The following EBLN2 variants were observed in gnomAD, a reference collection of about 807,000 sequenced individuals.
EBLN2 encodes endogenous Bornavirus like nucleoprotein 2, also known as endogenous Bornavirus-like nucleoprotein 2.
For synonymous variants in EBLN2, 131 were observed against 113.6 expected (o/e 1.15, Z -0.97); for missense variants, 397 against 324.2 (o/e 1.22, Z -1.72).
Position 73,062,450 on chromosome 3 carries a change from C to G in EBLN2, c.369C>G (p.Thr123=). 6.2e-7 allele frequency: 1 copy of G among 1,612,040 alleles called. No homozygotes were observed. The highest frequency in any genetic ancestry group is 8.5e-7 in the Non-Finnish European group (1 of 1,179,074). ...ATAAATCTCATTTCCACCCTGTGAC[C>G]CCAAGTTTAGTATTCTTGTGTTTCA... ...PAHKSHFHPV[T]PSLVFLCFIF... The change falls in exon 1 of 1, where the codon ACC becomes ACG. Residue 123 remains threonine (T), a synonymous_variant. Coordinates refer to ENST00000533473, the MANE Select transcript of EBLN2 (RefSeq NM_018029.4).
In EBLN2 at chr3:73,062,234, A is replaced by G. The variant is rs1423168213; in HGVS notation, c.153A>G (p.Leu51=). 1.3e-6 allele frequency: 2 copies of G among 1,598,344 alleles called. No homozygotes were observed. Among genetic ancestry groups the G allele is most frequent in the Non-Finnish European group, 1.7e-6 (2 of 1,175,494 alleles). The part of the protein sequence containing the change: ...SRNQFSTMSH[L]RKDSQPSSPG... ...ACCAATTTTCCACAATGTCTCATCT[A>G]AGAAAGGACTCACAGCCCAGCAGCC... The change falls in exon 1 of 1, where the codon CTA becomes CTG. Residue 51 remains leucine, a synonymous_variant. Transcript: ENST00000533473.
chr3:73,062,511 G>GGT, the EBLN2 span: 3 of 1,613,670 alleles, frequency 1.9e-6, no homozygotes, highest in Non-Finnish European at 2.5e-6. Flanking sequence ...ACTGAGTGTT[G>GGT]GTGTGAGCAA....
In EBLN2 at chr3:73,062,748, T is replaced by A; in HGVS notation, c.667T>A (p.Ser223Thr). The change falls in exon 1 of 1, where the codon TCA becomes ACA. Residue 223 changes from serine to threonine, a missense_variant. Ser to Thr is a moderately conservative substitution (Grantham distance 58). Transcript: ENST00000533473. ...AATGATGGCATCTATTGGAAGACTT[T>A]CACATGGTGAGAGTGCTGATCTGCT... ...KAMMASIGRL[S>T]HGESADLLIS... 6.2e-7 allele frequency: 1 copy of A among 1,613,968 alleles called. No homozygotes were observed. The highest frequency in any genetic ancestry group is 8.5e-7 in the Non-Finnish European group (1 of 1,179,878).
In EBLN2 at chr3:73,062,119, C is replaced by T. The variant is rs1468691148; in HGVS notation, c.38C>T (p.Ser13Phe). ...YFLKLYAYVN[S>F]HSLFVWVCDR... is the part of the protein sequence containing the mutation. ...CTTAAATTGTATGCTTATGTTAATT[C>T]TCACAGTCTTTTTGTTTGGGTCTGT... The change falls in exon 1 of 1, where the codon TCT becomes TTT. Residue 13 changes from serine to phenylalanine, a missense_variant. Transcript: ENST00000533473. 14 of 1,548,162 alleles carry T rather than the reference C, an allele frequency of 9.0e-6. No homozygotes were observed. The highest frequency in any genetic ancestry group is 1.1e-5 in the Non-Finnish European group (13 of 1,146,784).
rs1702871953 is a variant in EBLN2, at chr3:73,062,080, TAATG to T, written c.-1_3del. 4.6e-6 allele frequency: 7 copies of T among 1,533,592 alleles called. No homozygotes were observed. In the Admixed American group the frequency reaches 1.3e-4, roughly 28 times the overall value. The allele number at this position is 1,533,592 out of a possible 1,614,324, so 95.0% of individuals were successfully genotyped here. A position where few individuals can be genotyped will look rare whatever the true frequency, so the allele number is the denominator to read the frequency against. Reference sequence around the variant, plus strand: ...TGCAGAGTCAAGTCATAGCGACTAATAATGGGTTATTTTCTTAAATTGTATGCTT... The same window carrying T: ...TGCAGAGTCAAGTCATAGCGACTAATGGTTATTTTCTTAAATTGTATGCTT... On this transcript the variant is annotated start_lost and 5_prime_UTR_variant, in exon 1 of 1. Coordinates refer to ENST00000533473, the MANE Select transcript of EBLN2 (RefSeq NM_018029.4).
In EBLN2 at chr3:73,062,628, C is replaced by G; in HGVS notation, c.547C>G (p.Leu183Val). ...NFIALEKSSVLRHCCDLLIGI... is the reference protein window; with the variant it reads ...NFIALEKSSVVRHCCDLLIGI... Reference sequence around the variant, plus strand: ...TATTGCCCTTGAGAAGTCATCAGTTCTCCGCCACTGCTGTGACCTTTTGAT... The same window carrying G: ...TATTGCCCTTGAGAAGTCATCAGTTGTCCGCCACTGCTGTGACCTTTTGAT... Residue 183 changes from leucine to valine, a missense_variant, in exon 1 of 1, where the codon CTC becomes GTC. Coordinates refer to ENST00000533473, the MANE Select transcript of EBLN2 (RefSeq NM_018029.4). 6.2e-7 allele frequency: 1 copy of G among 1,613,994 alleles called. No individual in the cohort carries two copies. The highest frequency in any genetic ancestry group is 8.5e-7 in the Non-Finnish European group (1 of 1,179,890).
rs1702863358 is a variant in EBLN2, at chr3:73,061,770, A to T, written c.-312A>T. The stretch of plus-strand genomic sequence containing the variant: ...CCAGGCTGGAGTGCGGTGATGAGTG[A>T]TCATAGCTCACTGCAGCCTTAAACT... On this transcript the variant is annotated 5_prime_UTR_variant, in exon 1 of 1. Transcript: ENST00000533473. 1 of 291,020 alleles carries T rather than the reference A, an allele frequency of 3.4e-6. No homozygotes were observed. Among genetic ancestry groups the T allele is most frequent in the Non-Finnish European group, 6.4e-6 (1 of 155,924 alleles). 18.0% of individuals were successfully genotyped at this position (291,020 alleles called of 1,614,324 possible).
Position 73,062,802 on chromosome 3 carries a change from G to GTAT in EBLN2, c.721_722insTAT (p.Gly241delinsValCys). On this transcript the variant is annotated protein_altering_variant, in exon 1 of 1. Coordinates refer to ENST00000533473, the MANE Select transcript of EBLN2 (RefSeq NM_018029.4). The stretch of plus-strand genomic sequence containing the variant: ...CAGCTGCAATGCAGAATCAGCCATA[G>GTAT]GTTGGATCAGCTCAAGACCATGGGT... The GTAT allele has an allele frequency of 6.2e-7, 1 of 1,613,950 alleles. No individual in the cohort carries two copies. Among genetic ancestry groups the GTAT allele is most frequent in the Non-Finnish European group, 8.5e-7 (1 of 1,179,868 alleles).
In EBLN2 at chr3:73,062,152, C is replaced by A; in HGVS notation, c.71C>A (p.Ser24Tyr). Residue 24 changes from serine (S) to tyrosine (Y), a missense_variant, in exon 1 of 1, where the codon TCT becomes TAT. Coordinates refer to ENST00000533473, the MANE Select transcript of EBLN2 (RefSeq NM_018029.4). The part of the protein sequence containing the change: ...HSLFVWVCDR[S>Y]YKRSFRPMIL... ...CTTTTTGTTTGGGTCTGTGACAGAT[C>A]TTACAAAAGATCTTTTAGACCTATG... is the stretch of plus-strand genomic sequence containing the variant. The A allele has an allele frequency of 6.5e-7, 1 of 1,547,060 alleles. No homozygotes were observed. Among genetic ancestry groups the A allele is most frequent in the Non-Finnish European group, 8.7e-7 (1 of 1,148,424 alleles).
In EBLN2 at chr3:73,062,610, C is replaced by T; in HGVS notation, c.529C>T (p.Leu177Phe). Residue 177 changes from leucine to phenylalanine, a missense_variant, in exon 1 of 1, where the codon CTT becomes TTT. By Grantham distance (22) the Leu-to-Phe change is conservative (BLOSUM62 0). Coordinates refer to ENST00000533473, the MANE Select transcript of EBLN2 (RefSeq NM_018029.4). Reference protein sequence around the residue: ...RFKDMPNFIALEKSSVLRHCC... With the variant: ...RFKDMPNFIAFEKSSVLRHCC... ...CAAAGATATGCCTAACTTTATTGCC[C>T]TTGAGAAGTCATCAGTTCTCCGCCA... The T allele has an allele frequency of 6.2e-7, 1 of 1,613,968 alleles. No homozygotes were observed. The highest frequency in any genetic ancestry group is 8.5e-7 in the Non-Finnish European group (1 of 1,179,882).
In EBLN2 at chr3:73,062,367, A is replaced by T; in HGVS notation, c.286A>T (p.Ser96Cys). Residue 96 changes from serine to cysteine, a missense_variant, in exon 1 of 1, where the codon AGC becomes TGC. Ser to Cys is a moderately radical substitution (Grantham distance 112, BLOSUM62 -1). Coordinates refer to ENST00000533473, the MANE Select transcript of EBLN2 (RefSeq NM_018029.4). ...ACTGGATGCATTGGAACCCCAACCC[A>T]GCATTGGGGATATTAAGGACATTAA... ...YPLDALEPQP[S>C]IGDIKDIKKA... 2 of 1,606,286 alleles carry T rather than the reference A, an allele frequency of 1.2e-6. No individual in the cohort carries two copies. Among genetic ancestry groups the T allele is most frequent in the South Asian group, 2.2e-5 (2 of 89,728 alleles).
At position 73,063,051 on chromosome 3, in the gene EBLN2, A is replaced by G. The variant is rs1702904224; in HGVS notation, c.*151A>G. On this transcript the variant is annotated 3_prime_UTR_variant, in exon 1 of 1. Transcript: ENST00000533473. ...CAATGGTTAAAAAGGCATTGGGGAA[A>G]TATTTTGAGTTTGGGGGTGTACTTT... 2 of 771,756 alleles carry G rather than the reference A, an allele frequency of 2.6e-6. No homozygotes were observed. The highest frequency in any genetic ancestry group is 4.2e-6 in the Non-Finnish European group (2 of 475,928). 47.8% of individuals were successfully genotyped at this position (771,756 alleles called of 1,614,324 possible).
chr3:73,062,268 G>A lies in EBLN2; in HGVS notation c.187G>A (p.Asp63Asn). The A allele has an allele frequency of 6.2e-7, 1 of 1,603,064 alleles. No individual in the cohort carries two copies. The highest frequency in any genetic ancestry group is 1.1e-5 in the South Asian group (1 of 88,834). ...CTCACAGCCCAGCAGCCCAGGAGAT[G>A]ACGCAATGGACAGGAGTGGGCTCCC... ...KDSQPSSPGDDAMDRSGLPDL... is the reference protein window; with the variant it reads ...KDSQPSSPGDNAMDRSGLPDL... The change falls in exon 1 of 1, where the codon GAC becomes AAC. Residue 63 changes from aspartate (D) to asparagine (N), a missense_variant. Transcript: ENST00000533473.
Position 73,062,161 on chromosome 3 carries a change from G to C in EBLN2, c.80G>C (p.Arg27Thr). 1 of 1,549,912 alleles carries C rather than the reference G, an allele frequency of 6.5e-7. No individual in the cohort carries two copies. Among genetic ancestry groups the C allele is most frequent in the East Asian group, 2.4e-5 (1 of 42,426 alleles). Reference sequence around the variant, plus strand: ...TGGGTCTGTGACAGATCTTACAAAAGATCTTTTAGACCTATGATTCTTAAC... The same window carrying C: ...TGGGTCTGTGACAGATCTTACAAAACATCTTTTAGACCTATGATTCTTAAC... ...FVWVCDRSYK[R>T]SFRPMILNKI... is the part of the protein sequence containing the mutation. The change falls in exon 1 of 1, where the codon AGA becomes ACA. Residue 27 changes from arginine (R) to threonine (T), a missense_variant. By Grantham distance (71) the Arg-to-Thr change is moderately conservative (BLOSUM62 -1). Transcript: ENST00000533473.
Position 73,062,174 on chromosome 3 carries a change from T to C in EBLN2, c.93T>C (p.Pro31=). 1 of 1,554,142 alleles carries C rather than the reference T, an allele frequency of 6.4e-7. No individual in the cohort carries two copies. Among genetic ancestry groups the C allele is most frequent in the Non-Finnish European group, 8.7e-7 (1 of 1,153,144 alleles). ...GATCTTACAAAAGATCTTTTAGACCTATGATTCTTAACAAAATTAAAGAAT... is the reference window on the plus strand; with the variant it reads ...GATCTTACAAAAGATCTTTTAGACCCATGATTCTTAACAAAATTAAAGAAT... ...CDRSYKRSFR[P]MILNKIKELS... Residue 31 remains proline (P), a synonymous_variant, in exon 1 of 1, where the codon CCT becomes CCC. Coordinates refer to ENST00000533473, the MANE Select transcript of EBLN2 (RefSeq NM_018029.4).
rs571522110 is a variant in EBLN2 at position 73,062,674 on chromosome 3, G to C, written c.593G>C (p.Ser198Thr). ...TTGATAGGCATTGCGGCTGGATCAA[G>C]TGATAAGATTTGCACCAGCAGTCTC... ...DLLIGIAAGS[S>T]DKICTSSLQV... Residue 198 changes from serine to threonine, a missense_variant, in exon 1 of 1, where the codon AGT becomes ACT. Transcript: ENST00000533473. The C allele has an allele frequency of 3.1e-6, 5 of 1,613,978 alleles. No individual in the cohort carries two copies. The African/African-American group carries it at 5.3e-5, about 17-fold the overall frequency.
rs747512517 is a variant in EBLN2 at position 73,062,057 on chromosome 3, CAG to C, written c.-22_-21del. ...ATTTTGGAAAAATGGTAAAGAAGTG[CAG>C]AGTCAAGTCATAGCGACTAATAATG... On this transcript the variant is annotated 5_prime_UTR_variant, in exon 1 of 1. It introduces an in-frame stop codon into an upstream open reading frame of the 5' UTR. Transcript: ENST00000533473. 3 of 1,474,778 alleles carry C rather than the reference CAG, an allele frequency of 2.0e-6. No individual in the cohort carries two copies. The highest frequency in any genetic ancestry group is 2.7e-6 in the Non-Finnish European group (3 of 1,103,592). 91.4% of individuals were successfully genotyped at this position (1,474,778 alleles called of 1,614,324 possible). A position where few individuals can be genotyped will look rare whatever the true frequency, so the allele number is the denominator to read the frequency against.
At position 73,062,274 on chromosome 3, in the gene EBLN2, A is replaced by G. The variant is rs116543903; in HGVS notation, c.193A>G (p.Met65Val). Residue 65 changes from methionine (M) to valine (V), a missense_variant, in exon 1 of 1, where the codon ATG becomes GTG. Coordinates refer to ENST00000533473, the MANE Select transcript of EBLN2 (RefSeq NM_018029.4). ...GCCCAGCAGCCCAGGAGATGACGCA[A>G]TGGACAGGAGTGGGCTCCCTGACCT... ...SQPSSPGDDA[M>V]DRSGLPDLQG... 526 of 1,605,670 alleles carry G rather than the reference A, an allele frequency of 3.3e-4. 3 individuals are homozygous for G. In the African/African-American group the frequency reaches 5.4e-3, roughly 17 times the overall value.
rs543506676 is a variant in EBLN2 at position 73,062,376 on chromosome 3, G to C, written c.295G>C (p.Asp99His). The C allele has an allele frequency of 2.1e-5, 34 of 1,606,510 alleles. No individual in the cohort carries two copies. The highest frequency in any genetic ancestry group is 1.7e-4 in the Middle Eastern group (1 of 6,014). ...DALEPQPSIG[D>H]IKDIKKAAKS... ...ATTGGAACCCCAACCCAGCATTGGG[G>C]ATATTAAGGACATTAAAAAAGCAGC... The change falls in exon 1 of 1, where the codon GAT becomes CAT. Residue 99 changes from aspartate to histidine, a missense_variant. Transcript: ENST00000533473.
Sources: allele counts gnomAD v4.1 joint callset, GRCh38; gene constraint gnomAD v4.1.1; transcripts MANE v1.5; gene names NCBI Gene and HGNC (gene_info 2026-07-23, HGNC 2026-07-21).